Variants in EPS15L1 observed in about 807,000 individuals in gnomAD.
EPS15L1 encodes the protein epidermal growth factor receptor pathway substrate 15 like 1.
In EPS15L1, 43 loss-of-function variants were observed where a neutral mutation model predicts 117.1. The observed-to-expected ratio is 0.37, with a 90% CI of 0.29 to 0.47. The LOEUF (loss-of-function observed/expected upper bound fraction) is 0.47. Ranked by LOEUF, EPS15L1 falls within the 20% of genes least tolerant of loss-of-function variation. The probability of loss-of-function intolerance (pLI) is 0.99; values close to 1 mark genes in which losing one functional copy is unlikely to be tolerated. For missense variants in EPS15L1, 981 were observed against 1,164.0 expected (o/e 0.84, Z 2.29); for synonymous variants, 459 against 470.5 (o/e 0.98, Z 0.32).
At chr19:16,431,739 T>C (rs770129522) in intron 7 of EPS15L1, among the ~76,000 whole-genome samples, 11 of 151,924 alleles carry the variant, frequency 7.2e-5, no homozygotes, top group Non-Finnish European at 1.0e-4. Flanking sequence ...TTTGAGGTGA[T>C]GGATATGCTA....
intron 1 of EPS15L1, among the ~76,000 whole-genome samples, chr19:16,453,293 C>T (rs1210084842): frequency 6.6e-6 from 1 of 152,098 alleles, no homozygotes; most frequent in Admixed American, 6.5e-5. Flanking sequence ...TTTGTAGAGA[C>T]GGGGTCTTGC....
At chr19:16,462,093 T>C (rs2093258556) in intron 1 of EPS15L1, among the ~76,000 whole-genome samples, 2 of 152,320 alleles carry the variant, frequency 1.3e-5, no homozygotes, top group South Asian at 4.1e-4. Context: ...TTGGAGCCCA[T>C]GGTCTGATTC....
intron 17 of EPS15L1, 24 bp downstream of exon 17, chr19:16,395,320 G>A: frequency 6.2e-7 from 1 of 1,606,952 alleles, no homozygotes; most frequent in Non-Finnish European, 8.5e-7. Flanking sequence ...CTTTCAATGA[G>A]AAAGTGGGTA....
At chr19:16,439,031 G>T (rs1186846135) in intron 4 of EPS15L1, among the ~76,000 whole-genome samples, 1 of 151,468 alleles carries the variant, frequency 6.6e-6, no homozygotes. Context: ...CCACACAAAG[G>T]CTCAGTGGAC....
intron 13 of EPS15L1, 100 bp downstream of exon 13, chr19:16,413,673 G>A (rs1388764974): frequency 2.0e-6 from 2 of 1,019,172 alleles, no homozygotes; most frequent in Non-Finnish European, 3.1e-6. Flanking sequence ...TTCCATCCAG[G>A]GCAGACCCCT....
chr19:16,455,823 A>G (rs537679228), intron 1 of EPS15L1, among the ~76,000 whole-genome samples: 7 of 152,230 alleles, frequency 4.6e-5, no homozygotes, highest in Admixed American at 3.9e-4. Context: ...CACTGGCTCC[A>G]GGTAAAAATG....
chr19:16,415,210 T>C (rs948269430), intron 12 of EPS15L1, among the ~76,000 whole-genome samples: 1 of 152,146 alleles, frequency 6.6e-6, no homozygotes, highest in African/African-American at 2.4e-5. Flanking sequence ...AGAAGGTGAC[T>C]CTCCAGGAAT....
At chr19:16,368,974 C>T (rs889303961) in intron 22 of EPS15L1, among the ~76,000 whole-genome samples, 10 of 152,356 alleles carry the variant, frequency 6.6e-5, no homozygotes, top group Admixed American at 2.6e-4. Flanking sequence ...TTATTCCACC[C>T]TCCCCATCCT....
intron 10 of EPS15L1, among the ~76,000 whole-genome samples, chr19:16,419,664 C>T (rs576440452): frequency 5.3e-5 from 8 of 152,322 alleles, no homozygotes; most frequent in South Asian, 2.1e-4. Context: ...GAGCTGGGAC[C>T]GTTCTAACAG....
Position 16,355,597 on chromosome 19 carries a change from G to A in EPS15L1, c.*108C>T, listed in dbSNP as rs1039835139. 2.9e-6 allele frequency: 4 copies of A among 1,363,896 alleles called. No homozygotes were observed. The highest frequency in any genetic ancestry group is 1.4e-5 in the South Asian group (1 of 70,290). The allele number at this position is 1,363,896 out of a possible 1,614,324, so 84.5% of individuals were successfully genotyped here. A position where few individuals can be genotyped will look rare whatever the true frequency, so the allele number is the denominator to read the frequency against. On this transcript the variant is annotated 3_prime_UTR_variant, in exon 24 of 24. Transcript: ENST00000455140. ...CACCCTGAACAAGCCCCCGAGTCCC[G>A]GTCCTTGGAGTACGGTGGCGACGGT... is the stretch of plus-strand genomic sequence containing the variant.
intron 10 of EPS15L1, among the ~76,000 whole-genome samples, chr19:16,418,465 GC>G (rs1463075370): frequency 6.6e-6 from 1 of 152,226 alleles, no homozygotes; most frequent in African/African-American, 2.4e-5. Flanking sequence ...GAGTAGACCA[GC>G]CCTTCCGTGG....
intron 16 of EPS15L1, among the ~76,000 whole-genome samples, chr19:16,397,234 C>T (rs1001623401): frequency 1.5e-4 from 23 of 151,906 alleles, no homozygotes; most frequent in Admixed American, 2.6e-4. Flanking sequence ...GGATTACAGG[C>T]GTGCACCACC....
chr19:16,393,598 G>A (rs992261684), intron 18 of EPS15L1, among the ~76,000 whole-genome samples: 4 of 148,358 alleles, frequency 2.7e-5, no homozygotes, highest in Admixed American at 6.7e-5. Flanking sequence ...GCAGTGAGCC[G>A]AGATCGCGCC....
intron 7 of EPS15L1, 56 bp downstream of exon 7, chr19:16,434,309 G>A (rs555964597): frequency 4.8e-5 from 76 of 1,584,614 alleles, no homozygotes; most frequent in Middle Eastern, 3.9e-4. Context: ...GAACAGTGGC[G>A]CCCACACACA....
chr19:16,467,516 GA>G (rs1163450132), intron 1 of EPS15L1, among the ~76,000 whole-genome samples: 1 of 149,246 alleles, frequency 6.7e-6, no homozygotes, highest in African/African-American at 2.5e-5. Context: ...CTATTTAGTC[GA>G]AAAAACAACA....
At chr19:16,378,479 C>A (rs544973649) in intron 21 of EPS15L1, among the ~76,000 whole-genome samples, 63 of 152,212 alleles carry the variant, frequency 4.1e-4, no homozygotes, top group Middle Eastern at 3.4e-3. Flanking sequence ...CTGGCTGGAC[C>A]CCACTGCCGT....
chr19:16,451,789 A>T (rs989073489), intron 1 of EPS15L1, among the ~76,000 whole-genome samples: 3 of 147,938 alleles, frequency 2.0e-5, no homozygotes, highest in Non-Finnish European at 4.5e-5. Context: ...TCGGCCTGCC[A>T]GAGTGCTGGG....
upstream of EPS15L1, chr19:16,471,973 C>T: frequency 7.9e-7 from 1 of 1,273,000 alleles, no homozygotes; most frequent in African/African-American, 1.6e-5. This position sits in a 1 kb window ranked among gnomAD's most constrained non-coding sequence, Gnocchi z 4.8. Context: ...CTCCGAGCGC[C>T]GGGGGAACGG....
At chr19:16,458,581 A>G (rs1171118438) in intron 1 of EPS15L1, among the ~76,000 whole-genome samples, 3 of 151,868 alleles carry the variant, frequency 2.0e-5, no homozygotes, top group Non-Finnish European at 2.9e-5. Context: ...AAGGCTCTTC[A>G]GGGTGTGTAA....
Sources: allele counts gnomAD v4.1 joint callset (sites outside exome capture counted in the v4.1 genomes callset), GRCh38; gene constraint gnomAD v4.1.1; non-coding constraint Gnocchi (gnomAD v3.1); transcripts MANE v1.5; gene names NCBI Gene and HGNC (gene_info 2026-07-23, HGNC 2026-07-21).